The following KRABD4 variants were observed in gnomAD, a reference collection of about 807,000 sequenced individuals.
KRABD4 encodes KRAB domain-containing protein 4.
chrX:46,465,609 T>G, the KRABD4 span, among the ~76,000 whole-genome samples: 2 of 112,289 alleles, frequency 1.8e-5, no homozygotes, highest in Non-Finnish European at 3.8e-5. Flanking sequence ...ATAAAAACAG[T>G]TTTTTTTAAT....
the KRABD4 span, chrX:46,450,515 T>C: frequency 1.7e-6 from 2 of 1,166,475 alleles, no homozygotes; most frequent in Non-Finnish European, 2.3e-6. Flanking sequence ...TCCAGTGAAA[T>C]TGAGGCAAGG....
At chrX:46,452,285 C>CTT in the KRABD4 span, among the ~76,000 whole-genome samples, 23 of 100,584 alleles carry the variant, frequency 2.3e-4, no homozygotes, top group East Asian at 4.9e-3. Context: ...CTTTCTGGTC[C>CTT]TTTTTTTTTT....
chrX:46,458,238 T>A, the KRABD4 span, among the ~76,000 whole-genome samples: 1 of 112,507 alleles, frequency 8.9e-6, no homozygotes, highest in African/African-American at 3.2e-5. Context: ...GTATACCATG[T>A]ATCATACTTC....
the KRABD4 span, chrX:46,455,000 C>CA: frequency 1.3e-5 from 4 of 307,568 alleles, no homozygotes; most frequent in Non-Finnish European, 1.2e-5. Context: ...CATAAATACT[C>CA]AGTCTTACTT....
the KRABD4 span, among the ~76,000 whole-genome samples, chrX:46,464,409 G>A: frequency 8.9e-6 from 1 of 112,341 alleles, no homozygotes; most frequent in African/African-American, 3.2e-5. Context: ...CATAGGCACA[G>A]TAAAGCTTGA....
At chrX:46,450,964 A>AGT in the KRABD4 span, among the ~76,000 whole-genome samples, 1 of 110,637 alleles carries the variant, frequency 9.0e-6, no homozygotes, top group South Asian at 3.8e-4. Context: ...CGGCCTCCAA[A>AGT]GTGCTGGGAT....
At chrX:46,463,218 G>C in the KRABD4 span, 3 of 1,210,418 alleles carry the variant, frequency 2.5e-6, no homozygotes, top group African/African-American at 1.7e-5. Context: ...TGCGAAGCCA[G>C]ATGTGATCTT....
At chrX:46,463,980 G>A in the KRABD4 span, among the ~76,000 whole-genome samples, 41 of 105,774 alleles carry the variant, frequency 3.9e-4, no homozygotes, top group Non-Finnish European at 7.0e-4. Flanking sequence ...CATACTACTT[G>A]TTATCAGATT....
At chrX:46,451,547 G>C in the KRABD4 span, among the ~76,000 whole-genome samples, 1 of 111,241 alleles carries the variant, frequency 9.0e-6, no homozygotes, top group Non-Finnish European at 1.9e-5. Flanking sequence ...AACTTTCTCT[G>C]TATCTACTTG....
the KRABD4 span, among the ~76,000 whole-genome samples, chrX:46,459,940 C>A: frequency 8.9e-6 from 1 of 111,902 alleles, no homozygotes; most frequent in Non-Finnish European, 1.9e-5. Context: ...CTGGAGTTAG[C>A]GTGAGCTCCC....
At chrX:46,469,343 CTTTTAAA>C in the KRABD4 span, among the ~76,000 whole-genome samples, 9 of 112,164 alleles carry the variant, frequency 8.0e-5, no homozygotes, top group South Asian at 3.3e-3. Context: ...TATTTCAGTT[CTTTTAAA>C]TTTTATTTCA....
At chrX:46,453,040 A>G in the KRABD4 span, among the ~76,000 whole-genome samples, 1 of 111,816 alleles carries the variant, frequency 8.9e-6, no homozygotes, top group Non-Finnish European at 1.9e-5. Flanking sequence ...TGATTGCTGG[A>G]TGTTAGCTCC....
the KRABD4 span, among the ~76,000 whole-genome samples, chrX:46,468,483 G>A: frequency 9.1e-6 from 1 of 110,428 alleles, no homozygotes; most frequent in Non-Finnish European, 1.9e-5. Context: ...AGCCAAGACC[G>A]CACTGCTGTA....
At chrX:46,473,537 A>T in the KRABD4 span, 1 of 621,376 alleles carries the variant, frequency 1.6e-6, no homozygotes, top group Non-Finnish European at 2.4e-6. Flanking sequence ...TTTAGTGTTA[A>T]ATCAACTCTC....
chrX:46,452,681 C>T, the KRABD4 span, among the ~76,000 whole-genome samples: 1 of 111,941 alleles, frequency 8.9e-6, no homozygotes, highest in Admixed American at 9.4e-5. Context: ...TAGTAGATTC[C>T]CATTGTGTAC....
the KRABD4 span, chrX:46,462,768 C>T: frequency 3.3e-6 from 4 of 1,211,641 alleles, no homozygotes; most frequent in South Asian, 1.8e-5. Flanking sequence ...CCTTCAAGGA[C>T]GTGTTTGTGG....
At chrX:46,452,867 C>T in the KRABD4 span, among the ~76,000 whole-genome samples, 3 of 111,910 alleles carry the variant, frequency 2.7e-5, no homozygotes, top group Non-Finnish European at 5.6e-5. Flanking sequence ...GTGTATTATC[C>T]GCTGTGATTT....
At chrX:46,457,644 T>A in the KRABD4 span, among the ~76,000 whole-genome samples, 201 of 107,907 alleles carry the variant, frequency 1.9e-3, 2 homozygotes, top group South Asian at 0.027. Flanking sequence ...TTTTTTTTTT[T>A]TATATATACA....
the KRABD4 span, among the ~76,000 whole-genome samples, chrX:46,457,705 A>C: frequency 2.4e-4 from 21 of 87,958 alleles, no homozygotes; most frequent in Non-Finnish European, 3.1e-4. Context: ...TGCTCCTCCT[A>C]TGCTTTTCTG....
Sources: gnomAD v4.1 joint callset for allele counts (sites outside exome capture counted in the v4.1 genomes callset) on GRCh38, gnomAD v4.1.1 for gene constraint, MANE v1.5 for transcripts, NCBI Gene and HGNC (gene_info 2026-07-23, HGNC 2026-07-21) for gene names.